Variants in EPHB1 observed in about 807,000 individuals in gnomAD.
EPHB1 encodes the protein EPH receptor B1.
A neutral mutation model predicts 94.4 loss-of-function variants in EPHB1; 30 were observed. The ratio of observed to expected loss-of-function variants is 0.32; its 90% CI spans 0.24 to 0.43. EPHB1 has a LOEUF of 0.43. Ranked by LOEUF, EPHB1 falls within the 20% of genes least tolerant of loss-of-function variation. The pLI is 1.00. For missense variants in EPHB1, 1,055 were observed against 1,308.3 expected (o/e 0.81, Z 2.99); for synonymous variants, 522 against 489.1 (o/e 1.07, Z -0.89).
chr3:135,161,025 GA>G, intron 6 of EPHB1, among the ~76,000 whole-genome samples: 1 of 152,198 alleles, frequency 6.6e-6, no homozygotes. Flanking sequence ...TAGTTTTTAA[GA>G]AAAGAAGTGT....
At chr3:135,097,310 G>T (rs1213928622) in intron 3 of EPHB1, among the ~76,000 whole-genome samples, 1 of 151,274 alleles carries the variant, frequency 6.6e-6, no homozygotes, top group Non-Finnish European at 1.5e-5. Context: ...CACTGACCTT[G>T]GACCAGGATT....
intron 2 of EPHB1, among the ~76,000 whole-genome samples, chr3:134,934,333 G>A (rs2038959091): frequency 6.6e-6 from 1 of 152,188 alleles, no homozygotes; most frequent in South Asian, 2.1e-4. Context: ...AAGGCTTGAG[G>A]GCCTTGGGTG....
intron 3 of EPHB1, among the ~76,000 whole-genome samples, chr3:135,063,560 A>G (rs1291612097): frequency 6.6e-6 from 1 of 152,206 alleles, no homozygotes; most frequent in Non-Finnish European, 1.5e-5. Context: ...ACTTTGCTGA[A>G]TTCTTTTATC....
At chr3:135,020,011 C>T (rs1935933406) in intron 3 of EPHB1, among the ~76,000 whole-genome samples, 1 of 152,202 alleles carries the variant, frequency 6.6e-6, no homozygotes, top group African/African-American at 2.4e-5. Flanking sequence ...TGAGAATGCC[C>T]TTGTCCCAGC....
chr3:134,947,309 C>T (rs116778478), intron 2 of EPHB1, among the ~76,000 whole-genome samples: 74 of 152,270 alleles, frequency 4.9e-4, no homozygotes, highest in African/African-American at 1.7e-3. Context: ...CCAACATCTC[C>T]TCTTTCTTCG....
At chr3:134,896,812 C>T (rs1185312504) in intron 1 of EPHB1, among the ~76,000 whole-genome samples, 1 of 152,246 alleles carries the variant, frequency 6.6e-6, no homozygotes, top group African/African-American at 2.4e-5. Context: ...CCGACTGCGG[C>T]TATTGTCGTC....
chr3:135,238,197 C>G (rs1198109181), intron 12 of EPHB1, among the ~76,000 whole-genome samples: 1 of 152,194 alleles, frequency 6.6e-6, no homozygotes, highest in African/African-American at 2.4e-5. Flanking sequence ...AGTGCCCACT[C>G]TTGTGCTCCC....
At chr3:135,105,641 T>A (rs1185859989) in intron 3 of EPHB1, among the ~76,000 whole-genome samples, 2 of 152,044 alleles carry the variant, frequency 1.3e-5, no homozygotes, top group Non-Finnish European at 2.9e-5. Context: ...CACAGGAAAT[T>A]AAGAGGATGT....
intron 3 of EPHB1, among the ~76,000 whole-genome samples, chr3:134,977,233 G>T (rs1576289171): frequency 1.3e-5 from 2 of 152,182 alleles, no homozygotes; most frequent in African/African-American, 4.8e-5. Context: ...AGTGGCCTGG[G>T]ATGTGAAGGA....
At chr3:135,256,711 C>T (rs1010420649) in intron 15 of EPHB1, among the ~76,000 whole-genome samples, 8 of 152,056 alleles carry the variant, frequency 5.3e-5, no homozygotes, top group Admixed American at 1.3e-4. Context: ...TTGCTCTTCT[C>T]GAGGAGTATC....
chr3:134,805,286 G>A (rs1018964727), intron 1 of EPHB1, among the ~76,000 whole-genome samples: 4 of 152,178 alleles, frequency 2.6e-5, no homozygotes, highest in Admixed American at 1.3e-4. Flanking sequence ...CAAATGGTTT[G>A]GGATGGTGGA....
chr3:134,920,083 T>C (rs1413990502), intron 1 of EPHB1, among the ~76,000 whole-genome samples: 1 of 152,098 alleles, frequency 6.6e-6, no homozygotes, highest in East Asian at 1.9e-4. Flanking sequence ...GTTGCATGGT[T>C]ATTGGAAAAA....
intron 5 of EPHB1, among the ~76,000 whole-genome samples, chr3:135,147,784 A>T (rs765731477): frequency 6.6e-6 from 1 of 152,236 alleles, no homozygotes; most frequent in Non-Finnish European, 1.5e-5. Flanking sequence ...CATTTGCCCA[A>T]GCTAAGGCAG....
chr3:134,906,763 C>T (rs2107692300), intron 1 of EPHB1, among the ~76,000 whole-genome samples: 1 of 152,280 alleles, frequency 6.6e-6, no homozygotes, highest in East Asian at 1.9e-4. Context: ...TAAACCAAGG[C>T]CCTCTTGGAG....
intron 3 of EPHB1, among the ~76,000 whole-genome samples, chr3:135,087,280 T>A (rs570582876): frequency 6.6e-6 from 1 of 152,344 alleles, no homozygotes; most frequent in African/African-American, 2.4e-5. Flanking sequence ...TGACACATCT[T>A]GGTGAAGCAC....
chr3:134,952,139 G>T (rs966085613), intron 3 of EPHB1, 87 bp downstream of exon 3: 3 of 1,387,228 alleles, frequency 2.2e-6, no homozygotes, highest in Non-Finnish European at 3.0e-6. Flanking sequence ...GGTCATACAG[G>T]AACAGAAAAT....
chr3:134,992,173 G>T (rs1576300208), intron 3 of EPHB1, among the ~76,000 whole-genome samples: 1 of 152,156 alleles, frequency 6.6e-6, no homozygotes, highest in Admixed American at 6.5e-5. Context: ...AACACGGGGG[G>T]CCAGGGAAGA....
At chr3:135,228,155 C>T (rs955880417) in intron 12 of EPHB1, among the ~76,000 whole-genome samples, 2 of 152,100 alleles carry the variant, frequency 1.3e-5, no homozygotes, top group East Asian at 1.9e-4. Context: ...AGGATCCAGT[C>T]TAGCTTCTGA....
At chr3:135,171,025 G>C (rs1020030669) in intron 9 of EPHB1, among the ~76,000 whole-genome samples, 1 of 152,194 alleles carries the variant, frequency 6.6e-6, no homozygotes, top group African/African-American at 2.4e-5. Context: ...TTTTCACATA[G>C]GGTAAGAGGG....
Sources: gnomAD v4.1 joint callset for allele counts (sites outside exome capture counted in the v4.1 genomes callset) on GRCh38, gnomAD v4.1.1 for gene constraint, MANE v1.5 for transcripts, NCBI Gene and HGNC (gene_info 2026-07-23, HGNC 2026-07-21) for gene names.